The following THSD7B variants were observed in gnomAD, a reference collection of about 807,000 sequenced individuals.
THSD7B encodes the protein thrombospondin type-1 domain-containing protein 7B.
A neutral mutation model predicts 213.6 loss-of-function variants in THSD7B; 138 were observed. The ratio of observed to expected loss-of-function variants is 0.65; its 90% CI spans 0.56 to 0.74. THSD7B has a LOEUF of 0.74. Ranked by LOEUF, THSD7B falls within the 30% of genes least tolerant of loss-of-function variation. The probability of loss-of-function intolerance (pLI) is 0.00; values close to 1 mark genes in which losing one functional copy is unlikely to be tolerated. For synonymous variants in THSD7B, 742 were observed against 687.0 expected (o/e 1.08, Z -1.25); for missense variants, 1,931 against 1,991.5 (o/e 0.97, Z 0.58).
At chr2:136,845,868 G>GT (rs1329198746) in intron 1 of THSD7B, among the ~76,000 whole-genome samples, 3 of 152,180 alleles carry the variant, frequency 2.0e-5, no homozygotes, top group Non-Finnish European at 4.4e-5. Context: ...GAAATTAGAA[G>GT]TTTCCACTGA....
chr2:137,499,805 A>T (rs909118949), intron 15 of THSD7B, among the ~76,000 whole-genome samples: 5 of 152,202 alleles, frequency 3.3e-5, no homozygotes, highest in African/African-American at 7.2e-5. Context: ...AGCCAAATGC[A>T]TGAGTGCACA....
At chr2:137,497,589 G>GTA (rs912577406) in intron 15 of THSD7B, among the ~76,000 whole-genome samples, 34 of 150,994 alleles carry the variant, frequency 2.3e-4, no homozygotes, top group South Asian at 2.1e-4. Context: ...ATACATATCT[G>GTA]TATATATATA....
intron 7 of THSD7B, among the ~76,000 whole-genome samples, chr2:137,211,331 TACACACACACACAC>T (rs1224147467): frequency 1.6e-4 from 1 of 6,270 alleles, no homozygotes; most frequent in Non-Finnish European, 5.5e-4. Context: ...CTATCCTTCC[TACACACACACACAC>T]ACACACACAC....
At chr2:137,567,558 A>C (rs543953053) in intron 16 of THSD7B, among the ~76,000 whole-genome samples, 2 of 152,228 alleles carry the variant, frequency 1.3e-5, no homozygotes, top group Middle Eastern at 3.4e-3. Context: ...TAATGGTTGG[A>C]ATCGATTTAG....
At chr2:137,371,674 A>AT (rs567758674) in intron 12 of THSD7B, among the ~76,000 whole-genome samples, 9 of 151,912 alleles carry the variant, frequency 5.9e-5, no homozygotes, top group East Asian at 1.9e-4. Context: ...TATTTTTCTA[A>AT]TTTTTTTCTC....
Position 137,272,564 on chromosome 2 carries a change from A to G in THSD7B, c.2298A>G (p.Arg766=). 6.2e-7 allele frequency: 1 copy of G among 1,611,854 alleles called. No homozygotes were observed. Residue 766 remains arginine, a synonymous_variant, in exon 11 of 28, where the codon AGA becomes AGG. Coordinates refer to ENST00000409968, the MANE Select transcript of THSD7B (RefSeq NM_001316349.2). The part of the protein sequence containing the change: ...GNATVKQSRY[R]IIIQEAANGG... ...CCACAGTAAAACAGTCTCGATACAG[A>G]ATCATCATCCAAGAAGCAGCCAATG...
At chr2:137,375,277 TA>T (rs1348199733) in intron 12 of THSD7B, among the ~76,000 whole-genome samples, 6 of 151,846 alleles carry the variant, frequency 4.0e-5, no homozygotes, top group Non-Finnish European at 8.8e-5. Flanking sequence ...TTTAACAGGT[TA>T]AAAAAAACAC....
At chr2:137,275,264 T>C (rs1172108572) in intron 11 of THSD7B, among the ~76,000 whole-genome samples, 1 of 152,104 alleles carries the variant, frequency 6.6e-6, no homozygotes, top group East Asian at 1.9e-4. Flanking sequence ...TCCTCTTTCC[T>C]AAGATTAACT....
chr2:137,144,921 A>T (rs1456079641), intron 5 of THSD7B, among the ~76,000 whole-genome samples: 1 of 152,056 alleles, frequency 6.6e-6, no homozygotes, highest in Non-Finnish European at 1.5e-5. Context: ...TACACTGTTG[A>T]TCTTGAAAAA....
intron 14 of THSD7B, among the ~76,000 whole-genome samples, chr2:137,429,345 A>G (rs554831754): frequency 6.6e-6 from 1 of 152,330 alleles, no homozygotes. Context: ...AATTAAGTCA[A>G]TTTAAGATCT....
intron 9 of THSD7B, among the ~76,000 whole-genome samples, chr2:137,240,421 T>G (rs906074314): frequency 6.6e-6 from 1 of 152,236 alleles, no homozygotes; most frequent in African/African-American, 2.4e-5. Context: ...TGAACCATTT[T>G]TCTTCCTTTT....
At chr2:137,649,454 G>A (rs1683099410) in intron 21 of THSD7B, among the ~76,000 whole-genome samples, 1 of 152,052 alleles carries the variant, frequency 6.6e-6, no homozygotes, top group Non-Finnish European at 1.5e-5. Flanking sequence ...TGATTTTCTT[G>A]TATGTTGAAA....
At chr2:137,223,301 T>C (rs1318168895) in intron 7 of THSD7B, among the ~76,000 whole-genome samples, 2 of 152,078 alleles carry the variant, frequency 1.3e-5, no homozygotes, top group South Asian at 2.1e-4. Context: ...TAGGTAATAA[T>C]ACACGAAGAC....
chr2:137,032,732 A>G (rs1686698096), intron 2 of THSD7B, among the ~76,000 whole-genome samples: 1 of 152,218 alleles, frequency 6.6e-6, no homozygotes, highest in African/African-American at 2.4e-5. Flanking sequence ...TAGATTTTAG[A>G]AAGCAGATTA....
intron 17 of THSD7B, among the ~76,000 whole-genome samples, chr2:137,600,442 A>T (rs1199916750): frequency 6.6e-6 from 1 of 152,168 alleles, no homozygotes; most frequent in Non-Finnish European, 1.5e-5. Context: ...ATATATTTTT[A>T]AAAGTTAACT....
intron 12 of THSD7B, among the ~76,000 whole-genome samples, chr2:137,297,958 C>T (rs62171143): frequency 0.061 from 9,350 of 152,092 alleles, 540 homozygotes; most frequent in African/African-American, 0.14. Flanking sequence ...TTATTGGTAC[C>T]AGTAGAGTGG....
At chr2:137,584,703 A>G (rs1681676270) in intron 17 of THSD7B, among the ~76,000 whole-genome samples, 2 of 152,142 alleles carry the variant, frequency 1.3e-5, no homozygotes, top group Non-Finnish European at 1.5e-5. Flanking sequence ...ATCATGGTGG[A>G]TAAGGTTTTT....
intron 3 of THSD7B, among the ~76,000 whole-genome samples, chr2:137,066,036 C>T (rs1010520974): frequency 7.2e-5 from 11 of 151,740 alleles, no homozygotes; most frequent in African/African-American, 2.7e-4. Flanking sequence ...GAGTTTCTAA[C>T]CTACATAATT....
chr2:136,990,936 A>C (rs369502983), intron 2 of THSD7B: 88 of 1,343,614 alleles, frequency 6.5e-5, no homozygotes, highest in Non-Finnish European at 8.3e-5. Context: ...ACAAATTAGC[A>C]GGTAAATCAG....
Sources: gnomAD v4.1 joint callset for allele counts (sites outside exome capture counted in the v4.1 genomes callset) on GRCh38, gnomAD v4.1.1 for gene constraint, MANE v1.5 for transcripts, NCBI Gene and HGNC (gene_info 2026-07-23, HGNC 2026-07-21) for gene names.